The following TRIB3 variants were observed in gnomAD, a reference collection of about 807,000 sequenced individuals.
The protein encoded by TRIB3 is tribbles pseudokinase 3.
Under a neutral mutation model 16.6 loss-of-function variants are expected in TRIB3, and 20 were observed. The observed-to-expected ratio is 1.20, with a 90% CI of 0.85 to 1.75. TRIB3 has a LOEUF of 1.75. Ranked by LOEUF, TRIB3 falls within the 40% of genes most tolerant of loss-of-function variation. The probability of loss-of-function intolerance (pLI) is 0.00; values close to 1 mark genes in which losing one functional copy is unlikely to be tolerated. For missense variants in TRIB3, 484 were observed against 488.9 expected, an observed-to-expected ratio of 0.99 and a Z score of 0.10; for synonymous variants, 208 against 217.0, an observed-to-expected ratio of 0.96 and a Z score of 0.36.
chr20:392,909 G>A (rs2015020294), intron 3 of TRIB3, among the ~76,000 whole-genome samples: 1 of 152,088 alleles, frequency 6.6e-6, no homozygotes, highest in Non-Finnish European at 1.5e-5. Flanking sequence ...AGGGCAGAGA[G>A]ACTCGCCTCC....
At chr20:382,339 C>A in intron 1 of TRIB3, 1 of 573,748 alleles carries the variant, frequency 1.7e-6, no homozygotes, top group Non-Finnish European at 3.1e-6. Flanking sequence ...ATCCCAGGCC[C>A]CAACAGGCTC....
rs1213123494 is a variant in TRIB3, at chr20:396,435, C to T, written c.822C>T (p.Arg274=). The T allele has an allele frequency of 6.2e-7, 1 of 1,612,796 alleles. No individual in the cohort carries two copies. The highest frequency in any genetic ancestry group is 1.3e-5 in the African/African-American group (1 of 74,960). ...SEPVLLFGKI[R]RGAYALPAGL... is the part of the protein sequence containing the mutation. ...CTGTCCTGCTCTTCGGCAAGATCCG[C>T]CGCGGGGCCTACGCCTTGCCTGCAG... is the stretch of plus-strand genomic sequence containing the variant. The change falls in exon 4 of 4, where the codon CGC becomes CGT. Residue 274 remains arginine, a synonymous_variant. Coordinates refer to ENST00000217233, the MANE Select transcript of TRIB3 (RefSeq NM_021158.5).
In TRIB3 at chr20:396,315, G is replaced by A. The variant is rs774231585; in HGVS notation, c.702G>A (p.Arg234=). The change falls in exon 4 of 4, where the codon CGG becomes CGA. Residue 234 remains arginine, a synonymous_variant. Coordinates refer to ENST00000217233, the MANE Select transcript of TRIB3 (RefSeq NM_021158.5). ...AYVGPEILSS[R]ASYSGKAADV... ...TGGGACCTGAGATACTCAGCTCACGGGCCTCATACTCGGGCAAGGCAGCCG... is the reference window on the plus strand; with the variant it reads ...TGGGACCTGAGATACTCAGCTCACGAGCCTCATACTCGGGCAAGGCAGCCG... The A allele has an allele frequency of 1.2e-6, 2 of 1,613,740 alleles. No individual in the cohort carries two copies. The highest frequency in any genetic ancestry group is 1.7e-6 in the Non-Finnish European group (2 of 1,180,022).
At chr20:394,034 T>TTC (rs1348611972) in intron 3 of TRIB3, among the ~76,000 whole-genome samples, 5 of 145,820 alleles carry the variant, frequency 3.4e-5, no homozygotes, top group African/African-American at 1.3e-4. Context: ...CTTTCTTTCT[T>TTC]TTTTTTTTTT....
chr20:391,486 G>C lies in TRIB3; in HGVS notation c.491G>C (p.Arg164Pro). 6.2e-7 allele frequency: 1 copy of C among 1,613,716 alleles called. No individual in the cohort carries two copies. The highest frequency in any genetic ancestry group is 8.5e-7 in the Non-Finnish European group (1 of 1,180,006). ...IPEPEAAVLF[R>P]QMATALAHCH... ...GAGCCTGAGGCTGCCGTGCTCTTCC[G>C]CCAGATGGCCACCGCCCTGGCGCAC... Residue 164 changes from arginine (R) to proline (P), a missense_variant, in exon 3 of 4, where the codon CGC becomes CCC. Arg to Pro is a moderately radical substitution (Grantham distance 103). Coordinates refer to ENST00000217233, the MANE Select transcript of TRIB3 (RefSeq NM_021158.5).
chr20:391,723 T>A, intron 3 of TRIB3, 144 bp downstream of exon 3: 1 of 1,154,954 alleles, frequency 8.7e-7, no homozygotes, highest in Non-Finnish European at 1.2e-6. Flanking sequence ...TTTAGTTCCC[T>A]GAGAAGAGTT....
intron 2 of TRIB3, among the ~76,000 whole-genome samples, chr20:388,558 C>G (rs2014888309): frequency 6.6e-6 from 1 of 152,036 alleles, no homozygotes; most frequent in Non-Finnish European, 1.5e-5. Context: ...ATCATGGGCG[C>G]AGAAAAGGCC....
chr20:387,878 G>A (rs930369655), intron 1 of TRIB3, 133 bp from the exon 2 acceptor site: 5 of 1,083,284 alleles, frequency 4.6e-6, no homozygotes, highest in Non-Finnish European at 6.5e-6. Flanking sequence ...TTAAGGATAT[G>A]TGACTTTGTC....
chr20:388,137 C>G lies in TRIB3; in HGVS notation c.127C>G (p.Leu43Val), dbSNP rs533907393. 6.2e-7 allele frequency: 1 copy of G among 1,614,104 alleles called. No individual in the cohort carries two copies. The highest frequency in any genetic ancestry group is 1.1e-5 in the South Asian group (1 of 91,088). The change falls in exon 2 of 4, where the codon CTG (leucine) becomes GTG (valine). Residue 43 changes from leucine (L) to valine (V), a missense_variant. Leu to Val is a conservative substitution (Grantham distance 32). Transcript: ENST00000217233. ...AGCTCGAAGTGGGCCCCAGCCCAGA[C>G]TGCCCCCCTGCCTGTTGCCCCTGAG... is the stretch of plus-strand genomic sequence containing the variant. ...KRARSGPQPRLPPCLLPLSPP... is the reference protein window; with the variant it reads ...KRARSGPQPRVPPCLLPLSPP...
rs1485281470 is a variant in TRIB3 at position 387,946 on chromosome 20, C to T, written c.1-65C>T. ...AAATGTTGTGCCACGTATCCTCCCA[C>T]CAGCAGGGGAAAGGAGGGGCCACCA... On this transcript the variant is annotated intron_variant, in intron 1 of 3. Coordinates refer to ENST00000217233, the MANE Select transcript of TRIB3 (RefSeq NM_021158.5). 5 of 1,550,644 alleles carry T rather than the reference C, an allele frequency of 3.2e-6. No homozygotes were observed. The East Asian group carries it at 1.1e-4, about 35-fold the overall frequency.
In TRIB3 at chr20:390,613, G is replaced by A. The variant is rs533956816; in HGVS notation, c.292-674G>A. On this transcript the variant is annotated intron_variant, in intron 2 of 3. Transcript: ENST00000217233. The stretch of plus-strand genomic sequence containing the variant: ...TGCCTTCTGCATCATCCGCCCTTCC[G>A]GATTCCTCCTGCTTTGTGGGTTATT... 7.2e-5 allele frequency among the ~76,000 whole-genome samples: 11 copies of A among 152,252 alleles called. No homozygotes were observed. The South Asian group carries it at 2.1e-3, about 29-fold the overall frequency.
intron 1 of TRIB3, among the ~76,000 whole-genome samples, chr20:382,783 G>C (rs939277624): frequency 3.3e-5 from 5 of 152,184 alleles, no homozygotes; most frequent in African/African-American, 4.8e-5. Flanking sequence ...TTTGAGACAG[G>C]ATTAGAACCC....
At chr20:390,820 G>A (rs573543857) in intron 2 of TRIB3, among the ~76,000 whole-genome samples, 34 of 152,184 alleles carry the variant, frequency 2.2e-4, no homozygotes, top group African/African-American at 7.7e-4. Flanking sequence ...TAGCCAACAT[G>A]ATGAAACCCC....
chr20:384,735 C>G (rs150216851), intron 1 of TRIB3, among the ~76,000 whole-genome samples: 2 of 152,162 alleles, frequency 1.3e-5, no homozygotes, highest in South Asian at 4.1e-4. Context: ...TGTCAGGGAC[C>G]TAGGCTCCTC....
chr20:397,149 C>A lies in TRIB3; in HGVS notation c.*459C>A, dbSNP rs1434337916. 6.3e-6 allele frequency: 1 copy of A among 158,268 alleles called. No homozygotes were observed. The highest frequency in any genetic ancestry group is 1.9e-4 in the East Asian group (1 of 5,364). The allele number at this position is 158,268 out of a possible 1,614,324, so 9.8% of individuals were successfully genotyped here. The stretch of plus-strand genomic sequence containing the variant: ...TACCTTTTCAGAGAAAGGGAGGTAT[C>A]CCTGTGCCAAAGGCTCCAGGCCTCT... On this transcript the variant is annotated 3_prime_UTR_variant, in exon 4 of 4. Coordinates refer to ENST00000217233, the MANE Select transcript of TRIB3 (RefSeq NM_021158.5).
chr20:396,220 C>G lies in TRIB3; in HGVS notation c.607C>G (p.Leu203Val). The G allele has an allele frequency of 6.2e-7, 1 of 1,610,534 alleles. No homozygotes were observed. Among genetic ancestry groups the G allele is most frequent in the Non-Finnish European group, 8.5e-7 (1 of 1,177,174 alleles). ...RERKKLVLEN[L>V]EDSCVLTGPD... The stretch of plus-strand genomic sequence containing the variant: ...CAGGAAGAAGCTGGTGCTGGAGAAC[C>G]TGGAGGACTCCTGCGTGCTGACTGG... The change falls in exon 4 of 4, where the codon CTG becomes GTG. Residue 203 changes from leucine to valine, a missense_variant. Physicochemically the swap from Leu to Val is conservative, Grantham distance 32 (BLOSUM62 1). Transcript: ENST00000217233.
chr20:397,323 T>G lies in TRIB3; in HGVS notation c.*633T>G, dbSNP rs2015156279. 1 of 152,738 alleles carries G rather than the reference T, an allele frequency of 6.5e-6. No homozygotes were observed. The highest frequency in any genetic ancestry group is 2.4e-5 in the African/African-American group (1 of 41,446). 9.5% of individuals were successfully genotyped at this position (152,738 alleles called of 1,614,324 possible). On this transcript the variant is annotated 3_prime_UTR_variant, in exon 4 of 4. Coordinates refer to ENST00000217233, the MANE Select transcript of TRIB3 (RefSeq NM_021158.5). Reference sequence around the variant, plus strand: ...CCAAACTATGAGGCTAGTTCTTGTCTAACTCAAGACTGTTCTGGAATGAGG... The same window carrying G: ...CCAAACTATGAGGCTAGTTCTTGTCGAACTCAAGACTGTTCTGGAATGAGG...
At chr20:388,993 T>C (rs1188341696) in intron 2 of TRIB3, among the ~76,000 whole-genome samples, 1 of 152,092 alleles carries the variant, frequency 6.6e-6, no homozygotes, top group Non-Finnish European at 1.5e-5. Flanking sequence ...TGAGGATTCC[T>C]GGCAGAAACC....
At chr20:386,596 G>A (rs116504230) in intron 1 of TRIB3, among the ~76,000 whole-genome samples, 6 of 151,216 alleles carry the variant, frequency 4.0e-5, no homozygotes, top group South Asian at 2.1e-4. Flanking sequence ...CTCCCGTGAC[G>A]GAGTCTTGTT....
Sources: allele counts gnomAD v4.1 joint callset (sites outside exome capture counted in the v4.1 genomes callset), GRCh38; gene constraint gnomAD v4.1.1; transcripts MANE v1.5; gene names NCBI Gene and HGNC (gene_info 2026-07-23, HGNC 2026-07-21).